Variants in PTPN4 observed in about 807,000 individuals in gnomAD.
PTPN4 encodes the protein protein tyrosine phosphatase non-receptor type 4, also known as tyrosine-protein phosphatase non-receptor type 4.
In PTPN4, 49 loss-of-function variants were observed where a neutral mutation model predicts 135.5. The ratio of observed to expected loss-of-function variants is 0.36; its 90% CI spans 0.29 to 0.46. The LOEUF is 0.46. Among genes scored for constraint, PTPN4 ranks in the 20% least tolerant of loss-of-function variants. The pLI, the probability that PTPN4 is intolerant of heterozygous loss-of-function variation, is 1.00. For synonymous variants in PTPN4, 333 were observed against 369.9 expected (o/e 0.90, Z 1.14); for missense variants, 860 against 1,101.0 (o/e 0.78, Z 3.10).
intron 1 of PTPN4, among the ~76,000 whole-genome samples, chr2:119,800,882 G>A (rs1691349743): frequency 6.7e-6 from 1 of 150,296 alleles, no homozygotes; most frequent in South Asian, 2.1e-4. Context: ...GTACTTGTGT[G>A]GTAATTCTAT....
At chr2:119,940,247 GA>G (rs150989955) in intron 15 of PTPN4, among the ~76,000 whole-genome samples, 2,195 of 152,324 alleles carry the variant, frequency 0.014, 19 homozygotes, top group African/African-American at 0.031. Context: ...TAATCAACCT[GA>G]AGTGACATTT....
chr2:119,843,222 T>TC (rs1191342677), intron 2 of PTPN4, among the ~76,000 whole-genome samples: 5 of 141,832 alleles, frequency 3.5e-5, no homozygotes, highest in African/African-American at 1.1e-4. Flanking sequence ...ATTTTTCTTT[T>TC]TTTTTTTTTT....
chr2:119,900,984 A>G (rs1345249551), intron 10 of PTPN4, among the ~76,000 whole-genome samples, 178 bp downstream of exon 10: 1 of 152,210 alleles, frequency 6.6e-6, no homozygotes, highest in African/African-American at 2.4e-5. Flanking sequence ...GTTTATTTCA[A>G]AATTACTTTT....
At chr2:119,882,430 G>A (rs537561655) in intron 7 of PTPN4, 73 bp from the exon 8 acceptor site, 19 of 1,317,472 alleles carry the variant, frequency 1.4e-5, no homozygotes, top group Middle Eastern at 2.1e-4. Flanking sequence ...TAGAATTAAT[G>A]GCATCGCTGA....
intron 2 of PTPN4, among the ~76,000 whole-genome samples, chr2:119,854,924 A>G (rs998604581): frequency 1.3e-5 from 2 of 152,160 alleles, no homozygotes; most frequent in Admixed American, 1.3e-4. Flanking sequence ...AAAAGTGCAC[A>G]GGTACCTCCT....
intron 1 of PTPN4, among the ~76,000 whole-genome samples, chr2:119,795,847 C>T (rs1402235643): frequency 6.6e-6 from 1 of 152,240 alleles, no homozygotes; most frequent in Non-Finnish European, 1.5e-5. Context: ...CATCACTGCT[C>T]CCTCACTGGT....
intron 1 of PTPN4, among the ~76,000 whole-genome samples, chr2:119,787,884 G>A (rs1244057590): frequency 6.6e-6 from 1 of 152,172 alleles, no homozygotes; most frequent in African/African-American, 2.4e-5. Flanking sequence ...AGTATGTGTG[G>A]TGAGTAGAAG....
intron 2 of PTPN4, among the ~76,000 whole-genome samples, chr2:119,837,258 T>C (rs993211115): frequency 6.6e-6 from 1 of 152,050 alleles, no homozygotes; most frequent in African/African-American, 2.4e-5. Context: ...AGCTACCCAC[T>C]TTGGGTTAGG....
chr2:119,932,243 C>A, intron 13 of PTPN4, 181 bp from the exon 14 acceptor site: 1 of 476,786 alleles, frequency 2.1e-6, no homozygotes, highest in Non-Finnish European at 3.6e-6. Flanking sequence ...TCATATAAAG[C>A]CAATGTACAT....
chr2:119,955,233 T>G lies in PTPN4; in HGVS notation c.1890T>G (p.Asp630Glu). 6.2e-7 allele frequency: 1 copy of G among 1,613,596 alleles called. No individual in the cohort carries two copies. The highest frequency in any genetic ancestry group is 8.5e-7 in the Non-Finnish European group (1 of 1,179,758). Residue 630 changes from aspartate (D) to glutamate (E), a missense_variant, in exon 20 of 27, where the codon GAT becomes GAG. Asp to Glu is a conservative substitution (Grantham distance 45). Coordinates refer to ENST00000263708, the MANE Select transcript of PTPN4 (RefSeq NM_002830.4). ...FQYIPEKAPL[D>E]SVHQDDHSLR... ...ATATTCCTGAGAAAGCCCCACTAGA[T>G]AGTGTGCATCAGGATGACCATTCCC...
chr2:119,912,791 G>T (rs965362007), intron 10 of PTPN4, among the ~76,000 whole-genome samples: 2 of 152,054 alleles, frequency 1.3e-5, no homozygotes, highest in Non-Finnish European at 2.9e-5. Context: ...AGTTTCAGGG[G>T]CAGCATCACC....
rs566162517 is a variant in PTPN4 at position 119,877,248 on chromosome 2, G to A, written c.247-75G>A. ...CAGCTTTTAGCATTAATCTCCAAAT[G>A]GAACAGATTTGCAAGAATCAATATA... On this transcript the variant is annotated intron_variant, in intron 3 of 26. Coordinates refer to ENST00000263708, the MANE Select transcript of PTPN4 (RefSeq NM_002830.4). 3.4e-5 allele frequency: 50 copies of A among 1,487,526 alleles called. No individual in the cohort carries two copies. In the African/African-American group the frequency reaches 6.1e-4, roughly 18 times the overall value. 92.1% of individuals were successfully genotyped at this position (1,487,526 alleles called of 1,614,324 possible). A position where few individuals can be genotyped will look rare whatever the true frequency, so the allele number is the denominator to read the frequency against.
chr2:119,850,644 C>T (rs1403083692), intron 2 of PTPN4, among the ~76,000 whole-genome samples: 1 of 152,140 alleles, frequency 6.6e-6, no homozygotes, highest in Non-Finnish European at 1.5e-5. Context: ...GGCTCAAGTG[C>T]CACAGGGTCT....
intron 3 of PTPN4, among the ~76,000 whole-genome samples, chr2:119,876,176 A>G (rs1677980313): frequency 6.6e-6 from 1 of 152,204 alleles, no homozygotes; most frequent in African/African-American, 2.4e-5. Flanking sequence ...GCTGTAGTGT[A>G]AGGACTTTGG....
chr2:119,928,166 C>T (rs1574408452), intron 13 of PTPN4, among the ~76,000 whole-genome samples: 1 of 152,142 alleles, frequency 6.6e-6, no homozygotes, highest in Non-Finnish European at 1.5e-5. Context: ...ATATCGTGCA[C>T]ATTTTCTTTG....
chr2:119,957,821 A>G (rs903454619), intron 22 of PTPN4, among the ~76,000 whole-genome samples: 3 of 152,150 alleles, frequency 2.0e-5, no homozygotes, highest in Non-Finnish European at 2.9e-5. Flanking sequence ...TCGTTCATCT[A>G]TAAATACTTT....
rs141412806 is a variant in PTPN4 at position 119,960,946 on chromosome 2, G to A, written c.2273G>A (p.Arg758His). Reference protein sequence around the residue: ...MVVMLTTQVERGRVKCHQYWP... With the variant: ...MVVMLTTQVEHGRVKCHQYWP... ...GTAATGTTGACCACACAAGTTGAAC[G>A]TGGCAGAGTAAGTCATAGTTGAATC... is the stretch of plus-strand genomic sequence containing the variant. Residue 758 changes from arginine to histidine, a missense_variant, in exon 23 of 27, where the codon CGT becomes CAT. Around this residue, in one of 2 missense-constraint regions of PTPN4, gnomAD observed 176 missense variants for 294.1 expected, o/e 0.60. Transcript: ENST00000263708. 1.6e-5 allele frequency: 26 copies of A among 1,611,568 alleles called. No individual in the cohort carries two copies. In the African/African-American group the frequency reaches 2.4e-4, roughly 15 times the overall value.
At chr2:119,863,316 T>G (rs1362661000) in intron 3 of PTPN4, among the ~76,000 whole-genome samples, 1 of 152,122 alleles carries the variant, frequency 6.6e-6, no homozygotes, top group African/African-American at 2.4e-5. Context: ...ATAAAGGGTA[T>G]ACAAGCAAAT....
At chr2:119,952,265 C>T in intron 19 of PTPN4, 136 bp downstream of exon 19, 4 of 743,396 alleles carry the variant, frequency 5.4e-6, no homozygotes, top group South Asian at 2.0e-5. Context: ...TTCATTGACA[C>T]GTGGAGCAGA....
Sources: allele counts gnomAD v4.1 joint callset (sites outside exome capture counted in the v4.1 genomes callset), GRCh38; gene constraint gnomAD v4.1.1; regional missense constraint gnomAD v4.1.1; transcripts MANE v1.5; gene names NCBI Gene and HGNC (gene_info 2026-07-23, HGNC 2026-07-21).